MARCHF10: variants seen among roughly 807,000 people sequenced by gnomAD.
The protein encoded by MARCHF10 is membrane associated ring-CH-type finger 10.
Under a neutral mutation model 76.2 loss-of-function variants are expected in MARCHF10, and 64 were observed. The observed-to-expected ratio is 0.84, with a 90% CI of 0.69 to 1.03. MARCHF10 has a LOEUF of 1.03. Among genes scored for constraint, MARCHF10 ranks in the 50% least tolerant of loss-of-function variants. The pLI, the probability that MARCHF10 is intolerant of heterozygous loss-of-function variation, is 0.00. For synonymous variants in MARCHF10, 340 were observed against 357.5 expected, an observed-to-expected ratio of 0.95 and a Z score of 0.55; for missense variants, 875 against 958.0, an observed-to-expected ratio of 0.91 and a Z score of 1.14.
At chr17:62,732,821 C>T (rs991045627) in intron 6 of MARCHF10, among the ~76,000 whole-genome samples, 1 of 151,630 alleles carries the variant, frequency 6.6e-6, no homozygotes, top group Admixed American at 6.6e-5. Flanking sequence ...GGTGAAACCC[C>T]GTCTCTAATA....
chr17:62,796,716 C>T lies in MARCHF10; in HGVS notation c.90+4930G>A, dbSNP rs188898931. On this transcript the variant is annotated intron_variant, in intron 2 of 10. Coordinates refer to ENST00000311269, the MANE Select transcript of MARCHF10 (RefSeq NM_152598.4). ...ACAAAAGACAATGTGCAGCCGGGTGCGGTGGCTCACGCCTGTAATCCCAGC... is the reference window on the plus strand; with the variant it reads ...ACAAAAGACAATGTGCAGCCGGGTGTGGTGGCTCACGCCTGTAATCCCAGC... Among the ~76,000 whole-genome samples, 427 of 152,242 alleles carry T rather than the reference C, an allele frequency of 2.8e-3. 3 individuals carry two copies. The highest frequency in any genetic ancestry group is 5.0e-3 in the Admixed American group (77 of 15,294).
rs768475614 is a variant in MARCHF10, at chr17:62,736,574, C to A, written c.1294G>T (p.Gly432Cys). 1 of 1,614,032 alleles carries A rather than the reference C, an allele frequency of 6.2e-7. No homozygotes were observed. The highest frequency in any genetic ancestry group is 1.3e-5 in the African/African-American group (1 of 74,888). Residue 432 changes from glycine (G) to cysteine (C), a missense_variant, in exon 6 of 11, where the codon GGC becomes TGC. Transcript: ENST00000311269. ...CAGTATCCTTCAGAATCATGGGTGC[C>A]AGGCCTATGTTCCACAGAAATACAA... ...SDCISVEHRP[G>C]THDSEGYWKD...
chr17:62,704,421 T>A (rs1434184341), intron 10 of MARCHF10, among the ~76,000 whole-genome samples: 1 of 152,132 alleles, frequency 6.6e-6, no homozygotes, highest in Non-Finnish European at 1.5e-5. Context: ...GCTCCCGGGC[T>A]CCTTTTGTGG....
intron 3 of MARCHF10, among the ~76,000 whole-genome samples, chr17:62,783,603 G>C (rs1202618484): frequency 2.0e-5 from 3 of 151,944 alleles, no homozygotes; most frequent in Admixed American, 6.6e-5. Context: ...TTTTTGAAAA[G>C]ATCAACAAAA....
Position 62,737,339 on chromosome 17 carries a change from T to C in MARCHF10, c.536-7A>G, listed in dbSNP as rs2091317715. ...TCTTGTTGAACTACTTGATCTGCATTGAGAAAAGACACATTTATCGTTCCA... is the reference window on the plus strand; with the variant it reads ...TCTTGTTGAACTACTTGATCTGCATCGAGAAAAGACACATTTATCGTTCCA... On this transcript the variant is annotated splice_region_variant and splice_polypyrimidine_tract_variant and intron_variant, in intron 5 of 10. Transcript: ENST00000311269. 6.2e-7 allele frequency: 1 copy of C among 1,601,646 alleles called. No homozygotes were observed. The highest frequency in any genetic ancestry group is 1.1e-5 in the South Asian group (1 of 87,916).
intron 3 of MARCHF10, among the ~76,000 whole-genome samples, chr17:62,785,687 A>C (rs1490076866): frequency 6.6e-6 from 1 of 152,214 alleles, no homozygotes; most frequent in Non-Finnish European, 1.5e-5. Flanking sequence ...CCAGAAAAAA[A>C]CAAACAACCC....
chr17:62,796,981 AC>A (rs1477858172), intron 2 of MARCHF10, among the ~76,000 whole-genome samples: 2 of 151,930 alleles, frequency 1.3e-5, no homozygotes, highest in Non-Finnish European at 2.9e-5. Context: ...CAACCACTGC[AC>A]CCCCACCTGG....
chr17:62,800,330 G>C (rs906671872), intron 2 of MARCHF10, among the ~76,000 whole-genome samples: 1 of 152,208 alleles, frequency 6.6e-6, no homozygotes, highest in African/African-American at 2.4e-5. Context: ...CTGTTCTGGA[G>C]ACAATTTCAA....
At position 62,711,041 on chromosome 17, in the gene MARCHF10, C is replaced by T. The variant is rs956928563; in HGVS notation, c.2328+190G>A. On this transcript the variant is annotated intron_variant, in intron 9 of 10. Coordinates refer to ENST00000311269, the MANE Select transcript of MARCHF10 (RefSeq NM_152598.4). This position sits in a 1 kb window ranked among gnomAD's most constrained non-coding sequence, Gnocchi z 4.4. ...GTTTAATAATAAGCAATTATGTGAT[C>T]GTCACTTACTTTTCAGCCAGAGGGT... is the stretch of plus-strand genomic sequence containing the variant. Among the ~76,000 whole-genome samples, 1 of 152,108 alleles carries T rather than the reference C, an allele frequency of 6.6e-6. No homozygotes were observed. Among genetic ancestry groups the T allele is most frequent in the Non-Finnish European group, 1.5e-5 (1 of 68,026 alleles).
At chr17:62,793,411 A>C (rs1208519740) in intron 2 of MARCHF10, among the ~76,000 whole-genome samples, 1 of 139,314 alleles carries the variant, frequency 7.2e-6, no homozygotes, top group Non-Finnish European at 1.5e-5. Context: ...CATCACCACC[A>C]CCATCACCTC....
chr17:62,771,574 ATTTTT>A (rs1207861655), intron 3 of MARCHF10, among the ~76,000 whole-genome samples: 186 of 126,250 alleles, frequency 1.5e-3, no homozygotes, highest in Middle Eastern at 0.014. Flanking sequence ...GTCAATATCT[ATTTTT>A]TTTTTTTTTT....
At chr17:62,792,777 ACC>A (rs2092879243) in intron 2 of MARCHF10, among the ~76,000 whole-genome samples, 2 of 125,282 alleles carry the variant, frequency 1.6e-5, no homozygotes, top group African/African-American at 7.5e-5. Flanking sequence ...CATCACTACC[ACC>A]ACCACCTCCA....
intron 2 of MARCHF10, among the ~76,000 whole-genome samples, chr17:62,798,434 G>GAAAA: frequency 6.7e-6 from 1 of 148,972 alleles, no homozygotes. Flanking sequence ...GACCAGCCTG[G>GAAAA]GAAACATTAA....
chr17:62,729,298 GAAT>G (rs1483059478), intron 6 of MARCHF10, among the ~76,000 whole-genome samples: 2 of 151,740 alleles, frequency 1.3e-5, no homozygotes, highest in Non-Finnish European at 2.9e-5. Context: ...AGAGAAGAAA[GAAT>G]GTACAACCTT....
chr17:62,736,454 G>T lies in MARCHF10; in HGVS notation c.1414C>A (p.Pro472Thr), dbSNP rs1460556590. The change falls in exon 6 of 11, where the codon CCT (proline) becomes ACT (threonine). Residue 472 changes from proline (P) to threonine (T), a missense_variant. By Grantham distance (38) the Pro-to-Thr change is conservative (BLOSUM62 -1). Transcript: ENST00000311269. Reference sequence around the variant, plus strand: ...GCAGAATGCATGAATGATGCAGGAGGGTTATAGGATGAATTCACTGATGAT... The same window carrying T: ...GCAGAATGCATGAATGATGCAGGAGTGTTATAGGATGAATTCACTGATGAT... ...PRSSVNSSYN[P>T]PASFMHSALR... is the part of the protein sequence containing the mutation. 1 of 1,614,140 alleles carries T rather than the reference G, an allele frequency of 6.2e-7. No individual in the cohort carries two copies. Among genetic ancestry groups the T allele is most frequent in the Non-Finnish European group, 8.5e-7 (1 of 1,180,016 alleles).
intron 3 of MARCHF10, among the ~76,000 whole-genome samples, chr17:62,782,198 C>G (rs2092670389): frequency 6.6e-6 from 1 of 152,120 alleles, no homozygotes; most frequent in Non-Finnish European, 1.5e-5. Context: ...TCTTTTGAGA[C>G]ATGCCAGCCT....
intron 3 of MARCHF10, among the ~76,000 whole-genome samples, chr17:62,771,376 C>T (rs76764708): frequency 3.1e-3 from 464 of 151,658 alleles, no homozygotes; most frequent in African/African-American, 0.011. Flanking sequence ...GGGAACAGCA[C>T]GTGCAAAGGT....
intron 10 of MARCHF10, 146 bp from the exon 11 acceptor site, chr17:62,701,904 G>A: frequency 6.6e-6 from 7 of 1,066,052 alleles, no homozygotes; most frequent in Non-Finnish European, 9.8e-6. Flanking sequence ...GAACCGTGTG[G>A]GGAACAGAGA....
intron 6 of MARCHF10, among the ~76,000 whole-genome samples, chr17:62,725,306 C>T (rs1348981002): frequency 1.3e-5 from 2 of 152,180 alleles, no homozygotes; most frequent in East Asian, 3.9e-4. Context: ...CTCCGTTGCC[C>T]AGGCCGGAGT....
Sources: allele counts gnomAD v4.1 joint callset (sites outside exome capture counted in the v4.1 genomes callset), GRCh38; gene constraint gnomAD v4.1.1; non-coding constraint Gnocchi (gnomAD v3.1); transcripts MANE v1.5; gene names NCBI Gene and HGNC (gene_info 2026-07-23, HGNC 2026-07-21).